SPECC1: variants seen among roughly 807,000 people sequenced by gnomAD.
The protein encoded by SPECC1 is sperm antigen with calponin homology and coiled-coil domains 1.
In SPECC1, 62 loss-of-function variants were observed where a neutral mutation model predicts 104.1. The ratio of observed to expected loss-of-function variants is 0.60; its 90% CI spans 0.49 to 0.74. The LOEUF is 0.74. Ranked by LOEUF, SPECC1 falls within the 30% of genes least tolerant of loss-of-function variation. The pLI, the probability that SPECC1 is intolerant of heterozygous loss-of-function variation, is 0.00. For missense variants in SPECC1, 1,306 were observed against 1,310.5 expected (o/e 1.00, Z 0.05); for synonymous variants, 513 against 501.6 (o/e 1.02, Z -0.30).
At chr17:20,133,029 G>A (rs1426120775) in intron 3 of SPECC1, among the ~76,000 whole-genome samples, 2 of 152,110 alleles carry the variant, frequency 1.3e-5, no homozygotes, top group African/African-American at 4.8e-5. Context: ...GTGAGCCACC[G>A]TGCCTAGCCG....
At chr17:20,300,042 A>G (rs1309400597) in intron 13 of SPECC1, among the ~76,000 whole-genome samples, 1 of 152,230 alleles carries the variant, frequency 6.6e-6, no homozygotes, top group Non-Finnish European at 1.5e-5. Context: ...CTGAATTTTT[A>G]ATTTCAATTT....
chr17:20,084,403 C>T (rs756489573), intron 1 of SPECC1, among the ~76,000 whole-genome samples: 1 of 152,014 alleles, frequency 6.6e-6, no homozygotes, highest in Non-Finnish European at 1.5e-5. Flanking sequence ...CCATTGCACT[C>T]CAGCCTGGGC....
At chr17:20,085,973 C>G (rs1291347605) in intron 1 of SPECC1, among the ~76,000 whole-genome samples, 1 of 152,204 alleles carries the variant, frequency 6.6e-6, no homozygotes, top group Non-Finnish European at 1.5e-5. Context: ...TCTGTGTTCC[C>G]CTCTTTTCTT....
chr17:20,140,082 C>T (rs912472877), intron 3 of SPECC1, among the ~76,000 whole-genome samples: 1 of 152,216 alleles, frequency 6.6e-6, no homozygotes, highest in African/African-American at 2.4e-5. Flanking sequence ...TTAATGCTTA[C>T]TCTCTCGTCC....
At chr17:20,211,162 AACCTGCTGCCTGAGTAGCC>A (rs1342213211) in intron 4 of SPECC1, among the ~76,000 whole-genome samples, 1 of 152,190 alleles carries the variant, frequency 6.6e-6, no homozygotes, top group Non-Finnish European at 1.5e-5. Context: ...AAGCTGAGGG[AACCTGCTGCCTGAGTAGCC>A]ACTGGCTGCT....
intron 12 of SPECC1, among the ~76,000 whole-genome samples, chr17:20,269,029 G>A (rs1207064144): frequency 1.3e-5 from 2 of 152,202 alleles, no homozygotes; most frequent in Non-Finnish European, 2.9e-5. Flanking sequence ...CACAAACACC[G>A]AAGAAGCAGC....
At chr17:20,084,182 C>A (rs1047781674) in intron 1 of SPECC1, among the ~76,000 whole-genome samples, 3 of 152,158 alleles carry the variant, frequency 2.0e-5, no homozygotes, top group Non-Finnish European at 4.4e-5. Flanking sequence ...GTAATCCCAG[C>A]ACTTTGGGAG....
At chr17:20,283,621 C>G (rs915838582) in intron 12 of SPECC1, among the ~76,000 whole-genome samples, 1 of 152,140 alleles carries the variant, frequency 6.6e-6, no homozygotes, top group African/African-American at 2.4e-5. Flanking sequence ...GAGTCTTGCT[C>G]TGTCACCCTG....
At chr17:20,157,992 T>A (rs1440454463) in intron 3 of SPECC1, among the ~76,000 whole-genome samples, 1 of 152,188 alleles carries the variant, frequency 6.6e-6, no homozygotes, top group Non-Finnish European at 1.5e-5. Flanking sequence ...CTTTAAATGC[T>A]GGATTACTGT....
At chr17:20,164,328 TA>T (rs1329612714) in intron 3 of SPECC1, among the ~76,000 whole-genome samples, 1 of 151,898 alleles carries the variant, frequency 6.6e-6, no homozygotes, top group Non-Finnish European at 1.5e-5. Context: ...CCCAGCTAAT[TA>T]AAAAAAATTT....
intron 1 of SPECC1, among the ~76,000 whole-genome samples, chr17:20,046,784 T>G (rs899911198): frequency 4.6e-5 from 7 of 150,712 alleles, no homozygotes; most frequent in African/African-American, 1.7e-4. Flanking sequence ...GGAGTCGCCT[T>G]CCTGATGTAC....
At chr17:20,150,947 C>A (rs2031951308) in intron 3 of SPECC1, among the ~76,000 whole-genome samples, 1 of 152,004 alleles carries the variant, frequency 6.6e-6, no homozygotes, top group Non-Finnish European at 1.5e-5. Context: ...AATGGGACCA[C>A]ATATATATTA....
At chr17:20,103,743 C>A (rs559880211) in intron 2 of SPECC1, among the ~76,000 whole-genome samples, 2 of 152,246 alleles carry the variant, frequency 1.3e-5, no homozygotes, top group South Asian at 2.1e-4. Flanking sequence ...CCAGGACGTC[C>A]GCATCCCCCG....
intron 1 of SPECC1, among the ~76,000 whole-genome samples, chr17:20,074,051 G>A (rs886479385): frequency 7.9e-5 from 12 of 152,168 alleles, no homozygotes; most frequent in African/African-American, 1.9e-4. Flanking sequence ...TAGTAGCAGC[G>A]TGGAGATTAT....
At chr17:20,167,380 T>A (rs2033742993) in intron 3 of SPECC1, among the ~76,000 whole-genome samples, 1 of 151,950 alleles carries the variant, frequency 6.6e-6, no homozygotes, top group Non-Finnish European at 1.5e-5. Flanking sequence ...ACAAAGTGAC[T>A]TAAGAAAATA....
intron 11 of SPECC1, among the ~76,000 whole-genome samples, chr17:20,258,141 A>C (rs1362957974): frequency 1.3e-5 from 2 of 152,214 alleles, no homozygotes; most frequent in Admixed American, 1.3e-4. Flanking sequence ...AAAGCACTGG[A>C]GTACCACCAA....
At chr17:20,050,204 C>A (rs894102581) in intron 1 of SPECC1, among the ~76,000 whole-genome samples, 2 of 152,050 alleles carry the variant, frequency 1.3e-5, no homozygotes, top group South Asian at 2.1e-4. Flanking sequence ...GCACACGTAC[C>A]CTAGAACTTA....
chr17:20,303,585 G>T (rs11869258), intron 13 of SPECC1, among the ~76,000 whole-genome samples: 1 of 151,960 alleles, frequency 6.6e-6, no homozygotes, highest in Non-Finnish European at 1.5e-5. Context: ...GAGCCGTGGG[G>T]GAAATGGAAA....
intron 3 of SPECC1, among the ~76,000 whole-genome samples, chr17:20,165,866 G>A (rs952322974): frequency 2.6e-5 from 4 of 151,756 alleles, no homozygotes; most frequent in Non-Finnish European, 5.9e-5. Context: ...ACCTGTTGAT[G>A]TCCTTTGCCC....
Sources: gnomAD v4.1 joint callset for allele counts (sites outside exome capture counted in the v4.1 genomes callset) on GRCh38, gnomAD v4.1.1 for gene constraint, MANE v1.5 for transcripts, NCBI Gene and HGNC (gene_info 2026-07-23, HGNC 2026-07-21) for gene names.